Variants in SS18L2 observed in about 807,000 individuals in gnomAD.
SS18L2 encodes the protein SS18-like protein 2.
A neutral mutation model predicts 10.3 loss-of-function variants in SS18L2; 8 were observed. That is an observed-to-expected ratio of 0.78 (90% CI 0.46 to 1.41). The LOEUF is 1.41. SS18L2 is among the 40% of genes most tolerant of loss of function. The pLI, the probability that SS18L2 is intolerant of heterozygous loss-of-function variation, is 0.00. For missense variants in SS18L2, 100 were observed against 96.2 expected (o/e 1.04, Z -0.17); for synonymous variants, 41 against 34.6 (o/e 1.19, Z -0.65).
chr3:42,584,379 C>T (rs1163425275), intron 1 of SS18L2, among the ~76,000 whole-genome samples: 1 of 152,140 alleles, frequency 6.6e-6, no homozygotes, highest in Non-Finnish European at 1.5e-5. Context: ...CTCAGCCTCC[C>T]AAGTAGCTGG....
upstream of SS18L2, chr3:42,590,700 G>A (rs1704790593): frequency 6.2e-6 from 4 of 640,148 alleles, no homozygotes; most frequent in Admixed American, 2.7e-5. Context: ...AAGCGCAAAG[G>A]ATACGAAAAC....
chr3:42,588,366 A>G (rs539241315), upstream of SS18L2, among the ~76,000 whole-genome samples: 127 of 151,918 alleles, frequency 8.4e-4, no homozygotes, highest in African/African-American at 2.7e-3. Flanking sequence ...GATTGCACCA[A>G]TGCACTCCAG....
chr3:42,591,694 G>A (rs766029362), intron 2 of SS18L2, 93 bp downstream of exon 2: 15 of 911,804 alleles, frequency 1.6e-5, no homozygotes, highest in Admixed American at 3.8e-5. Flanking sequence ...TTGGGTGATT[G>A]ATCGCAGTTA....
At chr3:42,592,961 G>A (rs1163082111) in intron 2 of SS18L2, among the ~76,000 whole-genome samples, 1 of 152,060 alleles carries the variant, frequency 6.6e-6, no homozygotes, top group African/African-American at 2.4e-5. Flanking sequence ...TTGGTCCTCT[G>A]TATCCATGGG....
At position 42,596,800 on chromosome 3, in the gene SS18L2, A is replaced by G. The variant is rs562571085; in HGVS notation, c.*2291A>G. On this transcript the variant is annotated 3_prime_UTR_variant, in exon 3 of 3. Coordinates refer to ENST00000011691, the MANE Select transcript of SS18L2 (RefSeq NM_001370300.1). ...AAGAAAGTAAACTTCAGAGAGATCA[A>G]AGTGATTTGTCTCAGGTCACATAAC... Among the ~76,000 whole-genome samples the G allele has an allele frequency of 3.5e-4, 54 of 152,340 alleles. No individual in the cohort carries two copies. Among genetic ancestry groups the G allele is most frequent in the African/African-American group, 1.3e-3 (54 of 41,578 alleles).
At chr3:42,586,832 C>T (rs981042551), upstream of SS18L2, among the ~76,000 whole-genome samples, 1 of 152,192 alleles carries the variant, frequency 6.6e-6, no homozygotes, top group African/African-American at 2.4e-5. Context: ...CCACAAGCCT[C>T]AACATCGTTT....
At chr3:42,588,497 C>CA (rs1217957994), upstream of SS18L2, among the ~76,000 whole-genome samples, 2 of 152,100 alleles carry the variant, frequency 1.3e-5, no homozygotes, top group Admixed American at 6.6e-5. Context: ...AACATAAAGC[C>CA]TACAGGTAAG....
At chr3:42,591,970 T>C (rs1387304560) in intron 2 of SS18L2, among the ~76,000 whole-genome samples, 2 of 152,180 alleles carry the variant, frequency 1.3e-5, no homozygotes, top group Non-Finnish European at 2.9e-5. Flanking sequence ...CCTTTCTCTG[T>C]TAAGTGAAGG....
At chr3:42,593,397 A>C (rs148215395) in intron 2 of SS18L2, among the ~76,000 whole-genome samples, 1 of 152,350 alleles carries the variant, frequency 6.6e-6, no homozygotes, top group African/African-American at 2.4e-5. Context: ...AGCCTGGGTG[A>C]CAGAGCAAGA....
At chr3:42,583,012 C>T (rs1417714301) in intron 1 of SS18L2, among the ~76,000 whole-genome samples, 1 of 152,158 alleles carries the variant, frequency 6.6e-6, no homozygotes, top group Non-Finnish European at 1.5e-5. Context: ...TGGTTATGTA[C>T]ATTTTACCAC....
chr3:42,596,633 A>C lies in SS18L2; in HGVS notation c.*2124A>C, dbSNP rs778442134. On this transcript the variant is annotated 3_prime_UTR_variant, in exon 3 of 3. Transcript: ENST00000011691. ...CCTGCCTTGTCCCAGGAGTTTCTTC[A>C]CCTTAATCACAGACCAAATTGCATA... 6.6e-5 allele frequency among the ~76,000 whole-genome samples: 10 copies of C among 152,244 alleles called. No individual in the cohort carries two copies. The highest frequency in any genetic ancestry group is 1.5e-4 in the Non-Finnish European group (10 of 68,046).
At chr3:42,587,114 C>A (rs1704638217), upstream of SS18L2, among the ~76,000 whole-genome samples, 2 of 152,184 alleles carry the variant, frequency 1.3e-5, no homozygotes, top group Non-Finnish European at 2.9e-5. Context: ...TTGTAGCAGC[C>A]TTGTCACTGT....
chr3:42,584,139 A>G (rs1322120290), intron 1 of SS18L2, among the ~76,000 whole-genome samples: 2 of 152,210 alleles, frequency 1.3e-5, no homozygotes, highest in Non-Finnish European at 2.9e-5. Flanking sequence ...ATATAGATCT[A>G]TATTGTAGAT....
In SS18L2 at chr3:42,596,150, T is replaced by C. The variant is rs748893265; in HGVS notation, c.*1641T>C. 6.6e-6 allele frequency among the ~76,000 whole-genome samples: 1 copy of C among 151,994 alleles called. No individual in the cohort carries two copies. The highest frequency in any genetic ancestry group is 1.5e-5 in the Non-Finnish European group (1 of 67,992). Reference sequence around the variant, plus strand: ...GATTCTCCTGCCTCAGCCTCCCAAGTAGCTGGGATTACAGGCATGTGGCAC... The same window carrying C: ...GATTCTCCTGCCTCAGCCTCCCAAGCAGCTGGGATTACAGGCATGTGGCAC... On this transcript the variant is annotated 3_prime_UTR_variant, in exon 3 of 3. Transcript: ENST00000011691.
Position 42,595,753 on chromosome 3 carries a change from C to T in SS18L2, c.*1244C>T, listed in dbSNP as rs637852. On this transcript the variant is annotated 3_prime_UTR_variant, in exon 3 of 3. Coordinates refer to ENST00000011691, the MANE Select transcript of SS18L2 (RefSeq NM_001370300.1). The stretch of plus-strand genomic sequence containing the variant: ...AGGTCCCTGCTCCTTTTTTTGGAGT[C>T]AAGGGTTGCAACCTAGGGCAACTGT... 0.23 allele frequency among the ~76,000 whole-genome samples: 34,342 copies of T among 152,042 alleles called. 4,259 individuals are homozygous for T. The highest frequency in any genetic ancestry group is 0.47 in the East Asian group (2,435 of 5,180).
chr3:42,595,824 C>T lies in SS18L2; in HGVS notation c.*1315C>T, dbSNP rs1181686050. Among the ~76,000 whole-genome samples the T allele has an allele frequency of 6.6e-6, 1 of 152,122 alleles. No homozygotes were observed. Among genetic ancestry groups the T allele is most frequent in the Non-Finnish European group, 1.5e-5 (1 of 68,018 alleles). ...AGAGATAACTCATTTTGAATCCCAG[C>T]TCTATCCCTTAACCTCTGAAAGCTC... On this transcript the variant is annotated 3_prime_UTR_variant, in exon 3 of 3. Transcript: ENST00000011691.
At chr3:42,585,849 G>A (rs1026754090) in intron 1 of SS18L2, among the ~76,000 whole-genome samples, 2 of 152,050 alleles carry the variant, frequency 1.3e-5, no homozygotes, top group Non-Finnish European at 2.9e-5. Context: ...ACCTTTCAGC[G>A]CTCCTATTTG....
chr3:42,591,460 C>G, intron 1 of SS18L2, 65 bp from the exon 2 acceptor site: 1 of 1,234,900 alleles, frequency 8.1e-7, no homozygotes. Flanking sequence ...CCCAAAGGGC[C>G]GGGGTTACAG....
Position 42,590,983 on chromosome 3 carries a change from G to T in SS18L2, c.69+17G>T. 1 of 1,538,118 alleles carries T rather than the reference G, an allele frequency of 6.5e-7. No homozygotes were observed. The highest frequency in any genetic ancestry group is 8.7e-7 in the Non-Finnish European group (1 of 1,144,758). The stretch of plus-strand genomic sequence containing the variant: ...ATCCAGCGGGTGAGCATCCACGCGG[G>T]CGGGCGGGCGGGCGGAGAGAAGTCG... On this transcript the variant is annotated intron_variant, in intron 1 of 2. Coordinates refer to ENST00000011691, the MANE Select transcript of SS18L2 (RefSeq NM_001370300.1).
Sources: gnomAD v4.1 joint callset for allele counts (sites outside exome capture counted in the v4.1 genomes callset) on GRCh38, gnomAD v4.1.1 for gene constraint, MANE v1.5 for transcripts, NCBI Gene and HGNC (gene_info 2026-07-23, HGNC 2026-07-21) for gene names.